Variants in STX18 observed in about 807,000 individuals in gnomAD.
The protein encoded by STX18 is syntaxin-18.
STX18 carries 40 observed loss-of-function variants against 50.1 expected under a neutral mutation model. The ratio of observed to expected loss-of-function variants is 0.80; its 90% CI spans 0.62 to 1.04. STX18 has a LOEUF of 1.04. Ranked by LOEUF, STX18 falls within the 50% of genes least tolerant of loss-of-function variation. The pLI, the probability that STX18 is intolerant of heterozygous loss-of-function variation, is 0.00. For missense variants in STX18, 410 were observed against 415.8 expected (o/e 0.99, Z 0.12); for synonymous variants, 158 against 151.8 (o/e 1.04, Z -0.30).
At position 4,419,257 on chromosome 4, in the gene STX18, C is replaced by T. The variant is rs1284044174; in HGVS notation, c.*777G>A. 1 of 152,222 alleles carries T rather than the reference C, an allele frequency of 6.6e-6. No individual in the cohort carries two copies. Among genetic ancestry groups the T allele is most frequent in the Non-Finnish European group, 1.5e-5 (1 of 68,042 alleles). The allele number at this position is 152,222 out of a possible 1,614,324, so 9.4% of individuals were successfully genotyped here. ...GAAGCAGGCCCGTTCTTCCGTGGCC[C>T]ACTTCTTCCTTTGAACAAAGGCTCC... is the stretch of plus-strand genomic sequence containing the variant. On this transcript the variant is annotated 3_prime_UTR_variant, in exon 11 of 11. Transcript: ENST00000306200.
Position 4,511,760 on chromosome 4 carries a change from GTA to G in STX18, c.168+30035_168+30036del, listed in dbSNP as rs3038436. 2.6e-3 allele frequency among the ~76,000 whole-genome samples: 346 copies of G among 131,102 alleles called. 1 individual carries two copies. Among genetic ancestry groups the G allele is most frequent in the Non-Finnish European group, 3.7e-3 (235 of 63,532 alleles). The allele number at this position is 131,102 out of a possible 152,430, so 86.0% of individuals were successfully genotyped here. A position where few individuals can be genotyped will look rare whatever the true frequency, so the allele number is the denominator to read the frequency against. ...TGTGTGTGTGTGTGTGTGTGTGTGT[GTA>G]TGCCCCTAGGTTAAGGTCCTCTTAA... On this transcript the variant is annotated intron_variant, in intron 1 of 10. Coordinates refer to ENST00000306200, the MANE Select transcript of STX18 (RefSeq NM_016930.4).
chr4:4,421,623 C>T (rs1004471959), intron 9 of STX18, among the ~76,000 whole-genome samples: 1 of 152,144 alleles, frequency 6.6e-6, no homozygotes, highest in Non-Finnish European at 1.5e-5. Context: ...TCGCCGGTGA[C>T]GGACAAAAAC....
At chr4:4,430,340 T>A (rs940439655) in intron 7 of STX18, among the ~76,000 whole-genome samples, 1 of 152,256 alleles carries the variant, frequency 6.6e-6, no homozygotes, top group African/African-American at 2.4e-5. Context: ...TTTCTCTTTA[T>A]TTTCAAAGTT....
At chr4:4,491,785 G>C (rs371185741) in intron 1 of STX18, among the ~76,000 whole-genome samples, 1 of 152,012 alleles carries the variant, frequency 6.6e-6, no homozygotes, top group Admixed American at 6.5e-5. Flanking sequence ...TGTAATATAC[G>C]TTAAAGGTAA....
chr4:4,511,713 A>AGTGTGTGT (rs3038434), intron 1 of STX18, among the ~76,000 whole-genome samples: 2,201 of 137,466 alleles, frequency 0.016, 36 homozygotes, highest in South Asian at 0.028. Context: ...ACTCATGATT[A>AGTGTGTGT]GTGTGTGTGT....
chr4:4,532,041 T>G (rs1045084967), intron 1 of STX18, among the ~76,000 whole-genome samples: 1 of 152,292 alleles, frequency 6.6e-6, no homozygotes, highest in East Asian at 1.9e-4. Flanking sequence ...CCAAATAAAC[T>G]GGTGGTAAGA....
intron 1 of STX18, among the ~76,000 whole-genome samples, chr4:4,535,224 G>GT (rs375445836): frequency 2.0e-5 from 3 of 152,282 alleles, no homozygotes; most frequent in Admixed American, 6.5e-5. Flanking sequence ...ATGCCTCATA[G>GT]TTTTTTTATG....
intron 1 of STX18, among the ~76,000 whole-genome samples, chr4:4,480,110 A>C (rs1020510331): frequency 6.6e-6 from 1 of 152,244 alleles, no homozygotes; most frequent in African/African-American, 2.4e-5. Flanking sequence ...GGAATCTAAA[A>C]GACTGCTCGG....
intron 1 of STX18, among the ~76,000 whole-genome samples, chr4:4,539,814 C>T (rs1249192835): frequency 6.6e-6 from 1 of 152,178 alleles, no homozygotes; most frequent in Non-Finnish European, 1.5e-5. Flanking sequence ...AACACATTTT[C>T]ACCACTCAGG....
intron 5 of STX18, among the ~76,000 whole-genome samples, chr4:4,446,554 G>T (rs564059429): frequency 6.6e-6 from 1 of 152,304 alleles, no homozygotes; most frequent in Non-Finnish European, 1.5e-5. Context: ...CACATGAAAA[G>T]GTGATTAACA....
At chr4:4,450,816 G>T (rs1726706906) in intron 5 of STX18, among the ~76,000 whole-genome samples, 1 of 152,126 alleles carries the variant, frequency 6.6e-6, no homozygotes, top group Non-Finnish European at 1.5e-5. Context: ...ATGGCTTCAG[G>T]ACTGACTTCT....
intron 1 of STX18, among the ~76,000 whole-genome samples, chr4:4,477,607 A>G (rs1560184072): frequency 6.6e-6 from 1 of 152,186 alleles, no homozygotes; most frequent in Non-Finnish European, 1.5e-5. Context: ...CAGAGAGAGG[A>G]TAAGGAATTT....
intron 5 of STX18, among the ~76,000 whole-genome samples, chr4:4,452,004 A>G (rs1726778395): frequency 6.6e-6 from 1 of 152,256 alleles, no homozygotes; most frequent in Admixed American, 6.5e-5. Context: ...AAAGGAAATT[A>G]AAGTGCTACT....
At chr4:4,503,861 T>G (rs1729573404) in intron 1 of STX18, among the ~76,000 whole-genome samples, 1 of 152,192 alleles carries the variant, frequency 6.6e-6, no homozygotes, top group Admixed American at 6.5e-5. Flanking sequence ...AAAAGAGTGA[T>G]AAAAACTTCC....
At chr4:4,480,569 T>C (rs527784971) in intron 1 of STX18, among the ~76,000 whole-genome samples, 35 of 152,350 alleles carry the variant, frequency 2.3e-4, no homozygotes, top group African/African-American at 6.5e-4. Flanking sequence ...CATGTCTCCC[T>C]GACATAAGCT....
At position 4,420,620 on chromosome 4, in the gene STX18, C is replaced by T. The variant is rs1480726530; in HGVS notation, c.912+244G>A. 3 of 525,174 alleles carry T rather than the reference C, an allele frequency of 5.7e-6. No homozygotes were observed. The highest frequency in any genetic ancestry group is 1.0e-5 in the Non-Finnish European group (3 of 296,954). 32.5% of individuals were successfully genotyped at this position (525,174 alleles called of 1,614,324 possible). On this transcript the variant is annotated intron_variant, in intron 10 of 10. Coordinates refer to ENST00000306200, the MANE Select transcript of STX18 (RefSeq NM_016930.4). This position sits in a 1 kb window ranked among gnomAD's most constrained non-coding sequence, Gnocchi z 4.3. The stretch of plus-strand genomic sequence containing the variant: ...CTGGCCTGACCCTGCCAGGAGTACC[C>T]CCACCCACCCTGGATTGCTCCTTTG...
intron 1 of STX18, among the ~76,000 whole-genome samples, chr4:4,535,709 C>A (rs1197415800): frequency 6.6e-6 from 1 of 152,210 alleles, no homozygotes; most frequent in Non-Finnish European, 1.5e-5. Context: ...CACTCATGCT[C>A]TGTTCACAGC....
At chr4:4,424,135 A>G (rs1725114995) in intron 8 of STX18, among the ~76,000 whole-genome samples, 1 of 152,018 alleles carries the variant, frequency 6.6e-6, no homozygotes. Flanking sequence ...TGGTTTGGCA[A>G]CGGAGTGTTC....
intron 2 of STX18, among the ~76,000 whole-genome samples, chr4:4,470,184 G>A (rs1373691748): frequency 6.6e-6 from 1 of 152,208 alleles, no homozygotes; most frequent in Non-Finnish European, 1.5e-5. Context: ...GAGGGGTCAG[G>A]CTGCAGCAGG....
Sources: gnomAD v4.1 joint callset for allele counts (sites outside exome capture counted in the v4.1 genomes callset) on GRCh38, gnomAD v4.1.1 for gene constraint, Gnocchi (gnomAD v3.1) non-coding constraint, MANE v1.5 for transcripts, NCBI Gene and HGNC (gene_info 2026-07-23, HGNC 2026-07-21) for gene names.